Variants in XKR4 observed in about 807,000 individuals in gnomAD.
XKR4 encodes the protein XK-related protein 4.
A neutral mutation model predicts 53.9 loss-of-function variants in XKR4; 12 were observed. The observed-to-expected ratio is 0.22, with a 90% confidence interval of 0.14 to 0.36. XKR4 has a LOEUF of 0.36. XKR4 is among the 10% of genes least tolerant of loss of function. The probability of loss-of-function intolerance (pLI) is 1.00; values close to 1 mark genes in which losing one functional copy is unlikely to be tolerated. For missense variants in XKR4, 799 were observed against 859.5 expected (o/e 0.93, Z 0.88); for synonymous variants, 354 against 362.4 (o/e 0.98, Z 0.26).
intron 1 of XKR4, among the ~76,000 whole-genome samples, chr8:55,181,149 A>G (rs1817304515): frequency 6.6e-6 from 1 of 152,132 alleles, no homozygotes; most frequent in African/African-American, 2.4e-5. Context: ...TAGGACACCT[A>G]CTCTGGTTTC....
chr8:55,342,929 A>C (rs1803579143), intron 1 of XKR4, among the ~76,000 whole-genome samples: 1 of 152,184 alleles, frequency 6.6e-6, no homozygotes, highest in Admixed American at 6.5e-5. Context: ...AGGAGTGTTG[A>C]TCTCCAAGTA....
At position 55,146,932 on chromosome 8, in the gene XKR4, C is replaced by T. The variant is rs529416886; in HGVS notation, c.806+43638C>T. On this transcript the variant is annotated intron_variant, in intron 1 of 2. Coordinates refer to ENST00000327381, the MANE Select transcript of XKR4 (RefSeq NM_052898.2). ...TGGAGCTCCCTTCTGGAGAGATGCA[C>T]ATAGCAGCCGATGTTGCAGTTTAGA... 1.3e-4 allele frequency among the ~76,000 whole-genome samples: 20 copies of T among 152,270 alleles called. 1 individual carries two copies. The South Asian group carries it at 2.7e-3, about 21-fold the overall frequency.
intron 1 of XKR4, among the ~76,000 whole-genome samples, chr8:55,154,187 G>A (rs992623056): frequency 7.2e-5 from 11 of 152,158 alleles, no homozygotes; most frequent in South Asian, 4.2e-4. Context: ...ATCTGTTTTC[G>A]GAATCTGTTA....
chr8:55,204,709 C>A (rs1817621282), intron 1 of XKR4, among the ~76,000 whole-genome samples: 1 of 152,142 alleles, frequency 6.6e-6, no homozygotes, highest in Non-Finnish European at 1.5e-5. Flanking sequence ...AGGGAAAATT[C>A]TTGGAAAGAA....
At chr8:55,453,041 G>C (rs1295085792) in intron 2 of XKR4, 1 of 617,350 alleles carries the variant, frequency 1.6e-6, no homozygotes, top group Admixed American at 1.9e-5. Flanking sequence ...TCCTGGGAAG[G>C]TGCCTCCCCA....
chr8:55,266,044 G>A lies in XKR4; in HGVS notation c.807-91634G>A, dbSNP rs114448732. Among the ~76,000 whole-genome samples the A allele has an allele frequency of 3.7e-3, 568 of 151,884 alleles. 5 individuals carry two copies. The highest frequency in any genetic ancestry group is 0.013 in the African/African-American group (542 of 41,418). On this transcript the variant is annotated intron_variant, in intron 1 of 2. Transcript: ENST00000327381. ...TCTTAAATATAGGCATGTAGTCCCA[G>A]CTACTTGAGGGCCTGAGGTGGGAGG...
intron 2 of XKR4, among the ~76,000 whole-genome samples, chr8:55,476,538 T>G (rs977416549): frequency 2.5e-4 from 35 of 140,218 alleles, no homozygotes; most frequent in Admixed American, 1.3e-3. Flanking sequence ...TTCATCTCAC[T>G]AGGGAGTGCC....
At chr8:55,295,673 G>A (rs1285659503) in intron 1 of XKR4, among the ~76,000 whole-genome samples, 3 of 152,216 alleles carry the variant, frequency 2.0e-5, no homozygotes, top group Admixed American at 6.6e-5. Context: ...TTTGCAGGGT[G>A]TGTTTCCTTG....
Position 55,297,609 on chromosome 8 carries a change from C to T in XKR4, c.807-60069C>T, listed in dbSNP as rs1338455890. Among the ~76,000 whole-genome samples the T allele has an allele frequency of 3.3e-5, 5 of 152,064 alleles. No homozygotes were observed. The South Asian group carries it at 1.0e-3, about 32-fold the overall frequency. On this transcript the variant is annotated intron_variant, in intron 1 of 2. Transcript: ENST00000327381. ...TTTCTGCTTTATTGGGAAAGTTATA[C>T]AAATAAAGAAAAGAGACTGGGAATG...
intron 1 of XKR4, among the ~76,000 whole-genome samples, chr8:55,289,717 G>GAA (rs1818972849): frequency 4.7e-5 from 3 of 63,584 alleles, no homozygotes; most frequent in African/African-American, 1.1e-4. Flanking sequence ...AAGAAAGAGA[G>GAA]AGAAAGAGAA....
intron 1 of XKR4, among the ~76,000 whole-genome samples, chr8:55,330,895 A>G (rs1280892963): frequency 6.6e-6 from 1 of 152,118 alleles, no homozygotes. Context: ...CATTTTGTAC[A>G]AGTTGTGAGT....
At chr8:55,147,261 T>C (rs1816783418) in intron 1 of XKR4, among the ~76,000 whole-genome samples, 2 of 152,116 alleles carry the variant, frequency 1.3e-5, no homozygotes, top group South Asian at 4.1e-4. Context: ...AAAATAACTC[T>C]TCAGAAAATA....
intron 2 of XKR4, among the ~76,000 whole-genome samples, chr8:55,511,175 C>G (rs1043615213): frequency 6.6e-6 from 1 of 152,264 alleles, no homozygotes; most frequent in East Asian, 1.9e-4. Context: ...GTTCCAGTCC[C>G]TTCCCACCCC....
chr8:55,172,521 C>A (rs1195216105), intron 1 of XKR4, among the ~76,000 whole-genome samples: 5 of 152,026 alleles, frequency 3.3e-5, no homozygotes, highest in African/African-American at 4.8e-5. Context: ...TACATATATA[C>A]AATTTTCTAA....
rs542147212 is a variant in XKR4 at position 55,539,351 on chromosome 8, T to C, written c.*15124T>C. The C allele has an allele frequency of 6.6e-6, 1 of 152,310 alleles. No homozygotes were observed. Among genetic ancestry groups the C allele is most frequent in the South Asian group, 2.1e-4 (1 of 4,824 alleles). 9.4% of individuals were successfully genotyped at this position (152,310 alleles called of 1,614,324 possible). On this transcript the variant is annotated 3_prime_UTR_variant, in exon 3 of 3. Transcript: ENST00000327381. ...ATTGTGAAAAAAATGTGCACACTCT[T>C]AAAAACACAAAATGGGTTTCAGAAA...
chr8:55,123,785 T>C (rs775650938), intron 1 of XKR4, among the ~76,000 whole-genome samples: 2 of 152,244 alleles, frequency 1.3e-5, no homozygotes, highest in Admixed American at 6.5e-5. Context: ...CATGATTTAT[T>C]GATTTATCAG....
chr8:55,426,621 C>T lies in XKR4; in HGVS notation c.1006+68744C>T, dbSNP rs547750885. ...AGCAGAGTAGTTCAAAACTGCTAAA[C>T]GAATGAATGAATAAATAAGCAAGCA... On this transcript the variant is annotated intron_variant, in intron 2 of 2. Coordinates refer to ENST00000327381, the MANE Select transcript of XKR4 (RefSeq NM_052898.2). 5.3e-5 allele frequency among the ~76,000 whole-genome samples: 8 copies of T among 152,142 alleles called. No individual in the cohort carries two copies. In the East Asian group the frequency reaches 7.7e-4, roughly 15 times the overall value.
At chr8:55,153,330 G>T (rs17335537) in intron 1 of XKR4, among the ~76,000 whole-genome samples, 1 of 152,116 alleles carries the variant, frequency 6.6e-6, no homozygotes, top group Non-Finnish European at 1.5e-5. Context: ...TTTTTCTCCC[G>T]AGGGAAGATA....
At chr8:55,276,793 A>T (rs1818770751) in intron 1 of XKR4, among the ~76,000 whole-genome samples, 1 of 152,230 alleles carries the variant, frequency 6.6e-6, no homozygotes, top group Admixed American at 6.5e-5. Flanking sequence ...TCTATTTTGC[A>T]ATAATTCAAA....
Sources: allele counts gnomAD v4.1 joint callset (sites outside exome capture counted in the v4.1 genomes callset), GRCh38; gene constraint gnomAD v4.1.1; transcripts MANE v1.5; gene names NCBI Gene and HGNC (gene_info 2026-07-23, HGNC 2026-07-21).